HDAC9: variants seen among roughly 807,000 people sequenced by gnomAD.
HDAC9 encodes MEF-2 interacting transcription repressor (MITR) protein.
HDAC9 carries 41 observed loss-of-function variants against 139.4 expected under a neutral mutation model. The observed-to-expected ratio is 0.29, with a 90% CI of 0.23 to 0.38. The LOEUF (loss-of-function observed/expected upper bound fraction) is 0.38, where lower values mean the gene tolerates loss of function less well. Ranked by LOEUF, HDAC9 falls within the 10% of genes least tolerant of loss-of-function variation. The pLI is 1.00. For synonymous variants in HDAC9, 517 were observed against 476.2 expected (o/e 1.09, Z -1.12); for missense variants, 1,147 against 1,297.0 (o/e 0.88, Z 1.78).
At chr7:18,826,873 A>G (rs1406366521) in intron 17 of HDAC9, among the ~76,000 whole-genome samples, 2 of 150,514 alleles carry the variant, frequency 1.3e-5, no homozygotes, top group South Asian at 2.1e-4. Flanking sequence ...GGTAAGACCC[A>G]TTAACATCTA....
chr7:18,645,371 A>T (rs1584533411), intron 9 of HDAC9, among the ~76,000 whole-genome samples: 1 of 152,198 alleles, frequency 6.6e-6, no homozygotes, highest in East Asian at 1.9e-4. Flanking sequence ...CAGAAGATTC[A>T]AAGTGAATCA....
At chr7:18,426,100 A>G (rs1168853506) in intron 1 of HDAC9, among the ~76,000 whole-genome samples, 1 of 152,228 alleles carries the variant, frequency 6.6e-6, no homozygotes, top group African/African-American at 2.4e-5. Flanking sequence ...GATTTTTGGT[A>G]TAGTGTTTCT....
At chr7:18,656,761 C>A (rs1290801775) in intron 11 of HDAC9, among the ~76,000 whole-genome samples, 1 of 152,052 alleles carries the variant, frequency 6.6e-6, no homozygotes, top group East Asian at 1.9e-4. Flanking sequence ...GTGCAGATAT[C>A]TCTTTGATAT....
chr7:18,242,264 G>T (rs1389283704), intron 2 of HDAC9, among the ~76,000 whole-genome samples: 1 of 152,204 alleles, frequency 6.6e-6, no homozygotes, highest in Admixed American at 6.5e-5. Context: ...CTTTGATGGA[G>T]AAATGAAATT....
intron 2 of HDAC9, among the ~76,000 whole-genome samples, chr7:18,255,931 A>G (rs903851044): frequency 1.3e-5 from 2 of 152,228 alleles, no homozygotes; most frequent in Admixed American, 6.5e-5. Flanking sequence ...CTGGCCCAAC[A>G]TTGATGAGTT....
intron 6 of HDAC9, among the ~76,000 whole-genome samples, chr7:18,604,322 CT>C (rs1405258523): frequency 6.6e-6 from 1 of 151,592 alleles, no homozygotes; most frequent in Non-Finnish European, 1.5e-5. Flanking sequence ...TTTTGCCTTT[CT>C]TTTTAGGGAG....
intron 1 of HDAC9, among the ~76,000 whole-genome samples, chr7:18,145,089 A>G (rs1786207522): frequency 6.6e-6 from 1 of 152,328 alleles, no homozygotes; most frequent in Admixed American, 6.5e-5. Flanking sequence ...TCAGTAAGTG[A>G]TCCTGAAGAT....
At chr7:18,462,401 A>C (rs2128111021) in intron 1 of HDAC9, among the ~76,000 whole-genome samples, 1 of 152,048 alleles carries the variant, frequency 6.6e-6, no homozygotes. Context: ...TTATTTATTT[A>C]TTTTCTTAAT....
chr7:18,898,630 G>T lies in HDAC9; in HGVS notation c.2803+24034G>T, dbSNP rs544718952. On this transcript the variant is annotated intron_variant, in intron 22 of 25. Transcript: ENST00000686413. ...AAGGGTATGTACTCAGAGAAAGGGT[G>T]TTTACTGTATATATATCTACTTACT... 2.0e-5 allele frequency among the ~76,000 whole-genome samples: 3 copies of T among 151,864 alleles called. No individual in the cohort carries two copies. The South Asian group carries it at 6.2e-4, about 31-fold the overall frequency.
chr7:18,827,238 T>A (rs1267308967), intron 17 of HDAC9, among the ~76,000 whole-genome samples: 1 of 152,136 alleles, frequency 6.6e-6, no homozygotes, highest in Non-Finnish European at 1.5e-5. Context: ...TAAATATTTA[T>A]AACAAAATGT....
chr7:18,663,880 G>A (rs1448632530), intron 11 of HDAC9, among the ~76,000 whole-genome samples: 14 of 152,144 alleles, frequency 9.2e-5, no homozygotes, highest in Admixed American at 9.2e-4. Context: ...TCTGAGGTAT[G>A]AGTAAGGGTT....
chr7:18,886,326 A>G lies in HDAC9; in HGVS notation c.2803+11730A>G, dbSNP rs184624806. On this transcript the variant is annotated intron_variant, in intron 22 of 25. Coordinates refer to ENST00000686413, the MANE Select transcript of HDAC9 (RefSeq NM_178425.4). Reference sequence around the variant, plus strand: ...ACTGCTGCTTAACTTTGAAGAACACAGTTACTATAACTGTACCATAACAGG... The same window carrying G: ...ACTGCTGCTTAACTTTGAAGAACACGGTTACTATAACTGTACCATAACAGG... Among the ~76,000 whole-genome samples, 278 of 152,356 alleles carry G rather than the reference A, an allele frequency of 1.8e-3. 1 individual carries two copies. Among genetic ancestry groups the G allele is most frequent in the African/African-American group, 6.4e-3 (266 of 41,592 alleles).
At chr7:18,690,285 CA>C in intron 12 of HDAC9, among the ~76,000 whole-genome samples, 1 of 152,092 alleles carries the variant, frequency 6.6e-6, no homozygotes, top group East Asian at 1.9e-4. Context: ...CTGCAATTTG[CA>C]TTTATGAAAC....
At position 18,179,539 on chromosome 7, in the gene HDAC9, C is replaced by G. The variant is rs578033407; in HGVS notation, c.25+17190C>G. On this transcript the variant is annotated intron_variant, in intron 2 of 12. Coordinates refer to the HDAC9 transcript ENST00000417496. ...AGCTTTGTTTTTTTTGCTTCTACCT[C>G]TCTTATATTTCTTTCCATTCTCTAC... Among the ~76,000 whole-genome samples the G allele has an allele frequency of 3.9e-5, 6 of 152,236 alleles. No homozygotes were observed. In the South Asian group the frequency reaches 1.2e-3, roughly 32 times the overall value.
At chr7:18,968,407 CAAGAG>C (rs138686078) in intron 24 of HDAC9, among the ~76,000 whole-genome samples, 5,411 of 152,002 alleles carry the variant, frequency 0.036, 144 homozygotes, top group Middle Eastern at 0.085. Flanking sequence ...TGATCAGAAA[CAAGAG>C]AAAACTATAT....
intron 2 of HDAC9, among the ~76,000 whole-genome samples, chr7:18,195,911 T>C (rs1358461943): frequency 6.6e-6 from 1 of 152,166 alleles, no homozygotes; most frequent in East Asian, 1.9e-4. Flanking sequence ...TTCTCAATAC[T>C]TGAAATGCCT....
At chr7:18,100,176 C>G (rs1285486931) in intron 1 of HDAC9, among the ~76,000 whole-genome samples, 1 of 151,788 alleles carries the variant, frequency 6.6e-6, no homozygotes. Flanking sequence ...TACAAGAAAC[C>G]TGCTGTCATT....
chr7:18,188,315 G>A (rs746219860), intron 2 of HDAC9, among the ~76,000 whole-genome samples: 1 of 151,744 alleles, frequency 6.6e-6, no homozygotes, highest in South Asian at 2.1e-4. Flanking sequence ...ATTGAAACTG[G>A]ACCCCTTCCT....
intron 6 of HDAC9, among the ~76,000 whole-genome samples, chr7:18,598,119 T>A (rs1456816284): frequency 1.3e-5 from 2 of 152,174 alleles, no homozygotes; most frequent in Non-Finnish European, 2.9e-5. Context: ...TTTAATAGTT[T>A]AGAATATCTC....
Sources: allele counts gnomAD v4.1 joint callset (sites outside exome capture counted in the v4.1 genomes callset), GRCh38; gene constraint gnomAD v4.1.1; transcripts MANE v1.5; gene names NCBI Gene and HGNC (gene_info 2026-07-23, HGNC 2026-07-21).